The following KIAA1549 variants were observed in gnomAD, a reference collection of about 807,000 sequenced individuals.
The protein encoded by KIAA1549 is KIAA1549.
KIAA1549 carries 70 observed loss-of-function variants against 156.4 expected under a neutral mutation model. The ratio of observed to expected loss-of-function variants is 0.45; its 90% CI spans 0.37 to 0.55. The LOEUF (loss-of-function observed/expected upper bound fraction) is 0.55. Among genes scored for constraint, KIAA1549 ranks in the 20% least tolerant of loss-of-function variants. The probability of loss-of-function intolerance (pLI) is 0.00; values close to 1 mark genes in which losing one functional copy is unlikely to be tolerated. For synonymous variants in KIAA1549, 1,103 were observed against 1,066.4 expected (o/e 1.03, Z -0.67); for missense variants, 2,428 against 2,540.9 (o/e 0.96, Z 0.96).
chr7:138,881,038 G>A (rs780966615), intron 11 of KIAA1549, among the ~76,000 whole-genome samples: 72 of 152,280 alleles, frequency 4.7e-4, no homozygotes, highest in Admixed American at 8.5e-4. Context: ...CTCCTTCTAT[G>A]TTATTTCTGA....
chr7:138,865,144 C>T (rs1247543499), intron 15 of KIAA1549, among the ~76,000 whole-genome samples: 2 of 152,218 alleles, frequency 1.3e-5, no homozygotes, highest in East Asian at 3.9e-4. Context: ...GGGAGGATCA[C>T]CTGAGCTTGG....
intron 10 of KIAA1549, among the ~76,000 whole-genome samples, chr7:138,887,085 T>G (rs1459521565): frequency 2.0e-5 from 3 of 152,150 alleles, no homozygotes; most frequent in South Asian, 2.1e-4. Context: ...TGTACATATT[T>G]TTTTATTACA....
chr7:138,966,005 G>T (rs542004580), intron 1 of KIAA1549, among the ~76,000 whole-genome samples: 1 of 152,148 alleles, frequency 6.6e-6, no homozygotes, highest in East Asian at 1.9e-4. Context: ...CTGCCTCAAG[G>T]CCTCTGCACT....
Position 138,917,755 on chromosome 7 carries a change from G to C in KIAA1549, c.1871C>G (p.Ser624Cys). 1 of 1,582,390 alleles carries C rather than the reference G, an allele frequency of 6.3e-7. No homozygotes were observed. Among genetic ancestry groups the C allele is most frequent in the Non-Finnish European group, 8.6e-7 (1 of 1,164,230 alleles). Residue 624 changes from serine to cysteine, a missense_variant, in exon 2 of 20, where the codon TCC (serine) becomes TGC (cysteine). By Grantham distance (112) the Ser-to-Cys change is moderately radical (BLOSUM62 -1). This residue lies in a region of KIAA1549 where 893 missense variants were observed against 847.9 expected (regional missense o/e 1.05). Coordinates refer to ENST00000422774, the MANE Select transcript of KIAA1549 (RefSeq NM_001164665.2). ...HKPRGALDFASSFFSTPPLEL... is the reference protein window; with the variant it reads ...HKPRGALDFACSFFSTPPLEL... ...CAGCGGGGGTGTTGAGAAAAAGCTG[G>C]ATGCAAAATCCAAAGCACCTCTGGG...
rs1809784761 is a variant in KIAA1549, at chr7:138,837,951, G to C, written c.5808C>G (p.Leu1936=). 1 of 1,613,922 alleles carries C rather than the reference G, an allele frequency of 6.2e-7. No homozygotes were observed. Among genetic ancestry groups the C allele is most frequent in the African/African-American group, 1.3e-5 (1 of 75,056 alleles). Residue 1936 remains leucine (L), a synonymous_variant, in exon 20 of 20, where the codon CTC becomes CTG. Coordinates refer to ENST00000422774, the MANE Select transcript of KIAA1549 (RefSeq NM_001164665.2). ...SLIKAIREEL[L]RLSQKQSTVQ... Reference sequence around the variant, plus strand: ...CGGTGCTCTGTTTCTGGGAGAGCCGGAGGAGCTCCTCGCGGATTGCTTTGA... The same window carrying C: ...CGGTGCTCTGTTTCTGGGAGAGCCGCAGGAGCTCCTCGCGGATTGCTTTGA...
chr7:138,930,976 C>T (rs1374271907), intron 1 of KIAA1549, among the ~76,000 whole-genome samples: 1 of 152,264 alleles, frequency 6.6e-6, no homozygotes, highest in Non-Finnish European at 1.5e-5. Flanking sequence ...CACTTGAGCA[C>T]TTAGAGGCCA....
At chr7:138,868,659 T>C (rs992079240) in intron 14 of KIAA1549, among the ~76,000 whole-genome samples, 2 of 152,122 alleles carry the variant, frequency 1.3e-5, no homozygotes, top group Admixed American at 6.5e-5. Flanking sequence ...AACTTCTAAC[T>C]CCTGACCTCG....
Position 138,916,938 on chromosome 7 carries a change from G to A in KIAA1549, c.2688C>T (p.Leu896=), listed in dbSNP as rs144765229. 273 of 1,609,504 alleles carry A rather than the reference G, an allele frequency of 1.7e-4. 1 individual carries two copies. The African/African-American group carries it at 2.8e-3, about 17-fold the overall frequency. The change falls in exon 2 of 20, where the codon CTC becomes CTT. Residue 896 remains leucine (L), a synonymous_variant. Coordinates refer to ENST00000422774, the MANE Select transcript of KIAA1549 (RefSeq NM_001164665.2). Reference sequence around the variant, plus strand: ...CGGCGTCACCCATCAGGGTGGAGTCGAGGGGACCACCAGTGGCAGCACCGG... The same window carrying A: ...CGGCGTCACCCATCAGGGTGGAGTCAAGGGGACCACCAGTGGCAGCACCGG... ...TSTGAATGGP[L]DSTLMGDAAS...
intron 18 of KIAA1549, among the ~76,000 whole-genome samples, chr7:138,841,862 G>A (rs958779202): frequency 1.3e-5 from 2 of 148,388 alleles, no homozygotes; most frequent in African/African-American, 5.0e-5. Context: ...TATCGTACCT[G>A]ACCGACAACC....
intron 5 of KIAA1549, among the ~76,000 whole-genome samples, chr7:138,908,402 A>G (rs1252289414): frequency 6.6e-6 from 1 of 152,250 alleles, no homozygotes; most frequent in Admixed American, 6.5e-5. Context: ...TGCATAACAT[A>G]ATGGACACAG....
At chr7:138,838,610 C>T (rs1002245473) in intron 19 of KIAA1549, among the ~76,000 whole-genome samples, 2 of 152,036 alleles carry the variant, frequency 1.3e-5, no homozygotes, top group African/African-American at 4.8e-5. Flanking sequence ...TGATATTTGC[C>T]GCATAGAGAT....
chr7:138,892,608 A>T (rs1358940935), intron 10 of KIAA1549, among the ~76,000 whole-genome samples: 1 of 152,250 alleles, frequency 6.6e-6, no homozygotes, highest in South Asian at 2.1e-4. Flanking sequence ...CAACAAACAT[A>T]ACATTAATGT....
rs774245151 is a variant in KIAA1549, at chr7:138,919,069, G to C, written c.557C>G (p.Pro186Arg). Reference sequence around the variant, plus strand: ...GAGCATAGGTTCTAATGCTTCCCTGGGCAGCCCTGGTGGGCTGACTGTGAT... The same window carrying C: ...GAGCATAGGTTCTAATGCTTCCCTGCGCAGCCCTGGTGGGCTGACTGTGAT... Reference protein sequence around the residue: ...QYITVSPPGLPREALEPMLTP... With the variant: ...QYITVSPPGLRREALEPMLTP... The change falls in exon 2 of 20, where the codon CCC becomes CGC. Residue 186 changes from proline to arginine, a missense_variant. By Grantham distance (103) the Pro-to-Arg change is moderately radical. This residue lies in a region of KIAA1549 where 893 missense variants were observed against 847.9 expected (regional missense o/e 1.05). Transcript: ENST00000422774. The C allele has an allele frequency of 6.2e-7, 1 of 1,613,930 alleles. No homozygotes were observed.
intron 16 of KIAA1549, among the ~76,000 whole-genome samples, chr7:138,856,870 T>C (rs953404537): frequency 6.6e-6 from 1 of 152,178 alleles, no homozygotes; most frequent in African/African-American, 2.4e-5. Flanking sequence ...GAGGGTAGCA[T>C]TTGAATTGGT....
At chr7:138,848,957 G>A (rs1055896209) in intron 17 of KIAA1549, among the ~76,000 whole-genome samples, 10 of 152,058 alleles carry the variant, frequency 6.6e-5, no homozygotes, top group African/African-American at 1.9e-4. Context: ...AGTTTCAAAC[G>A]CCTGAGCTTA....
intron 4 of KIAA1549, among the ~76,000 whole-genome samples, chr7:138,909,436 C>A (rs1039790199): frequency 1.3e-5 from 2 of 152,232 alleles, no homozygotes. Flanking sequence ...TAGATGAATT[C>A]TTGAATATTT....
At position 138,833,529 on chromosome 7, in the gene KIAA1549, G is replaced by A. The variant is rs1020190620; in HGVS notation, c.*4377C>T. 4.3e-6 allele frequency: 1 copy of A among 232,628 alleles called. No homozygotes were observed. Among genetic ancestry groups the A allele is most frequent in the Non-Finnish European group, 8.5e-6 (1 of 117,664 alleles). The allele number at this position is 232,628 out of a possible 1,614,324, so 14.4% of individuals were successfully genotyped here. On this transcript the variant is annotated 3_prime_UTR_variant, in exon 20 of 20. Transcript: ENST00000422774. ...GCTTTGCCTCACAGTCCGCATGCCA[G>A]GAAAGATCTGGCCGGCAAACACCCA...
chr7:138,843,028 G>A (rs1361124903), intron 18 of KIAA1549, among the ~76,000 whole-genome samples: 15 of 152,134 alleles, frequency 9.9e-5, no homozygotes, highest in Admixed American at 7.9e-4. Context: ...AAGTCCTACC[G>A]CCAAACTGCC....
At chr7:138,964,918 G>A (rs1050434406) in intron 1 of KIAA1549, among the ~76,000 whole-genome samples, 10 of 151,838 alleles carry the variant, frequency 6.6e-5, no homozygotes, top group Non-Finnish European at 1.5e-4. Flanking sequence ...GTGTAAAGAT[G>A]TATACACAAC....
Sources: allele counts gnomAD v4.1 joint callset (sites outside exome capture counted in the v4.1 genomes callset), GRCh38; gene constraint gnomAD v4.1.1; regional missense constraint gnomAD v4.1.1; transcripts MANE v1.5; gene names NCBI Gene and HGNC (gene_info 2026-07-23, HGNC 2026-07-21).